ADGRL2: variants seen among roughly 807,000 people sequenced by gnomAD.
The protein encoded by ADGRL2 is adhesion G protein-coupled receptor L2.
A neutral mutation model predicts 157.4 loss-of-function variants in ADGRL2; 44 were observed. The ratio of observed to expected loss-of-function variants is 0.28; its 90% CI spans 0.22 to 0.36. The LOEUF (loss-of-function observed/expected upper bound fraction) is 0.36, where lower values mean the gene tolerates loss of function less well. Ranked by LOEUF, ADGRL2 falls within the 10% of genes least tolerant of loss-of-function variation. The pLI is 1.00. For synonymous variants in ADGRL2, 585 were observed against 624.7 expected, an observed-to-expected ratio of 0.94 and a Z score of 0.95; for missense variants, 1,510 against 1,768.9, an observed-to-expected ratio of 0.85 and a Z score of 2.63.
chr1:81,954,633 G>A (rs976753300), intron 10 of ADGRL2, among the ~76,000 whole-genome samples: 4 of 152,212 alleles, frequency 2.6e-5, no homozygotes, highest in African/African-American at 7.2e-5. Context: ...AATGGCTGCC[G>A]CAGTATCAGT....
chr1:81,895,484 C>T (rs1027046699), intron 2 of ADGRL2, among the ~76,000 whole-genome samples: 26 of 149,044 alleles, frequency 1.7e-4, no homozygotes, highest in Non-Finnish European at 3.0e-4. Flanking sequence ...CTACAACCTC[C>T]GCCACCTGGG....
intron 3 of ADGRL2, among the ~76,000 whole-genome samples, chr1:81,641,002 T>G (rs957369951): frequency 9.8e-5 from 15 of 152,350 alleles, no homozygotes; most frequent in Admixed American, 3.3e-4. Context: ...TTTGAAAGGA[T>G]TAATATATTC....
At chr1:81,968,261 A>G (rs1657715019) in intron 14 of ADGRL2, 62 bp downstream of exon 14, 3 of 1,377,780 alleles carry the variant, frequency 2.2e-6, no homozygotes, top group Non-Finnish European at 3.0e-6. Flanking sequence ...AACAGCTTGT[A>G]TAATAGTCCC....
chr1:81,869,701 T>C (rs551930740), intron 2 of ADGRL2, among the ~76,000 whole-genome samples: 2 of 148,858 alleles, frequency 1.3e-5, no homozygotes, highest in East Asian at 3.9e-4. Context: ...TGATTAAATG[T>C]ATGTAAAAAA....
At chr1:81,330,619 G>C (rs953445125) in intron 1 of ADGRL2, among the ~76,000 whole-genome samples, 4 of 151,990 alleles carry the variant, frequency 2.6e-5, no homozygotes, top group African/African-American at 9.7e-5. Flanking sequence ...CAAACTAATG[G>C]ATCTTTCCTA....
intron 1 of ADGRL2, among the ~76,000 whole-genome samples, chr1:81,804,070 C>G (rs1045882977): frequency 3.9e-5 from 6 of 152,156 alleles, no homozygotes; most frequent in Non-Finnish European, 7.3e-5. Context: ...AGTTTTGGTA[C>G]TCATCTGTGG....
In ADGRL2 at chr1:81,347,161, G is replaced by A. The variant is rs547600900; in HGVS notation, c.-302+40652G>A. ...TGCCTGTAATCTCAGCACTTTGGGA[G>A]GCTGAGGCGGGTAGATCACCTGAGG... On this transcript the variant is annotated intron_variant, in intron 1 of 24. Transcript: ENST00000370721. Among the ~76,000 whole-genome samples the A allele has an allele frequency of 5.3e-5, 8 of 152,304 alleles. No homozygotes were observed. The South Asian group carries it at 1.7e-3, about 32-fold the overall frequency.
intron 2 of ADGRL2, among the ~76,000 whole-genome samples, chr1:81,536,545 C>T (rs2079742067): frequency 6.6e-6 from 1 of 152,186 alleles, no homozygotes; most frequent in African/African-American, 2.4e-5. Context: ...CTATTCTCAT[C>T]TCTATCTTCA....
rs191491371 is a variant in ADGRL2 at position 81,425,601 on chromosome 1, G to C, written c.-301-19435G>C. On this transcript the variant is annotated intron_variant, in intron 1 of 24. Transcript: ENST00000370721. ...ACTAGTCTGAATTCAGAAAGCAAGG[G>C]ACAAGGAAAAAAATTTACCATCCAT... Among the ~76,000 whole-genome samples, 12 of 152,212 alleles carry C rather than the reference G, an allele frequency of 7.9e-5. No individual in the cohort carries two copies. In the East Asian group the frequency reaches 1.9e-3, roughly 25 times the overall value.
chr1:81,907,676 T>C (rs2094612639), intron 3 of ADGRL2, among the ~76,000 whole-genome samples: 1 of 152,088 alleles, frequency 6.6e-6, no homozygotes, highest in African/African-American at 2.4e-5. Flanking sequence ...AAGTAGAAAG[T>C]ACAGAGATTT....
chr1:81,387,255 A>C (rs979253235), intron 1 of ADGRL2, among the ~76,000 whole-genome samples: 1 of 152,162 alleles, frequency 6.6e-6, no homozygotes, highest in African/African-American at 2.4e-5. Context: ...TGGACTCTGC[A>C]CCAAACCTTG....
At chr1:81,312,616 C>G (rs1235135651) in intron 1 of ADGRL2, among the ~76,000 whole-genome samples, 1 of 152,140 alleles carries the variant, frequency 6.6e-6, no homozygotes, top group Non-Finnish European at 1.5e-5. Context: ...TTTCTCAGCT[C>G]TTAGTCATTT....
At chr1:81,886,731 T>G (rs1415410597) in intron 2 of ADGRL2, among the ~76,000 whole-genome samples, 1 of 152,198 alleles carries the variant, frequency 6.6e-6, no homozygotes, top group African/African-American at 2.4e-5. Context: ...AACAAAACCT[T>G]TCAAATAAAA....
chr1:81,901,369 G>C (rs577927668), intron 2 of ADGRL2, among the ~76,000 whole-genome samples: 1 of 152,084 alleles, frequency 6.6e-6, no homozygotes, highest in Non-Finnish European at 1.5e-5. Flanking sequence ...GCACATCTTA[G>C]TTATTATACC....
chr1:81,759,383 C>A (rs2085794030), intron 1 of ADGRL2, among the ~76,000 whole-genome samples: 1 of 151,960 alleles, frequency 6.6e-6, no homozygotes, highest in South Asian at 2.1e-4. Flanking sequence ...ATTTTAGCAG[C>A]CATTAAAACT....
At chr1:81,557,493 G>GAA (rs878944584) in intron 2 of ADGRL2, 8 of 77,068 alleles carry the variant, frequency 1.0e-4, no homozygotes, top group Non-Finnish European at 1.7e-4. Context: ...AAGAAAGAAA[G>GAA]AAAGAAAGAA....
intron 1 of ADGRL2, among the ~76,000 whole-genome samples, chr1:81,345,457 C>G (rs1021264113): frequency 1.3e-5 from 2 of 152,184 alleles, no homozygotes; most frequent in Non-Finnish European, 2.9e-5. Context: ...ATTGTCTCAT[C>G]TATTCTTATC....
At chr1:81,389,927 A>T (rs1007472975) in intron 1 of ADGRL2, among the ~76,000 whole-genome samples, 1 of 152,218 alleles carries the variant, frequency 6.6e-6, no homozygotes, top group Non-Finnish European at 1.5e-5. Flanking sequence ...ATGTCTGCTA[A>T]TCTGACTTTT....
intron 1 of ADGRL2, among the ~76,000 whole-genome samples, chr1:81,737,595 A>C (rs1343285265): frequency 6.6e-6 from 1 of 152,348 alleles, no homozygotes; most frequent in East Asian, 1.9e-4. Context: ...TTCCTAACTT[A>C]TAAGTCTGAA....
Sources: allele counts gnomAD v4.1 joint callset (sites outside exome capture counted in the v4.1 genomes callset), GRCh38; gene constraint gnomAD v4.1.1; transcripts MANE v1.5; gene names NCBI Gene and HGNC (gene_info 2026-07-23, HGNC 2026-07-21).